Variants in HPSE2 observed in about 807,000 individuals in gnomAD.
HPSE2 encodes the protein heparanase 2 (inactive).
In HPSE2, 38 loss-of-function variants were observed where a neutral mutation model predicts 60.5. That is an observed-to-expected ratio of 0.63 (90% CI 0.48 to 0.82). The LOEUF (loss-of-function observed/expected upper bound fraction) is 0.82. HPSE2 is among the 40% of genes least tolerant of loss of function. The pLI, the probability that HPSE2 is intolerant of heterozygous loss-of-function variation, is 0.00. For synonymous variants in HPSE2, 295 were observed against 293.2 expected (o/e 1.01, Z -0.06); for missense variants, 713 against 740.4 (o/e 0.96, Z 0.43).
intron 3 of HPSE2, among the ~76,000 whole-genome samples, chr10:99,063,212 TAAAA>T (rs1842505525): frequency 6.6e-6 from 1 of 151,836 alleles, no homozygotes; most frequent in African/African-American, 2.4e-5. Flanking sequence ...GAAGAAAAGT[TAAAA>T]AAGATAAACA....
the HPSE2 span, among the ~76,000 whole-genome samples, chr10:99,307,991 C>A: frequency 6.6e-6 from 1 of 152,056 alleles, no homozygotes; most frequent in African/African-American, 2.4e-5. Flanking sequence ...TATGTCCTAG[C>A]AATTCTACTC....
chr10:98,511,574 G>A (rs866186386), intron 9 of HPSE2, among the ~76,000 whole-genome samples: 3,489 of 150,046 alleles, frequency 0.023, 132 homozygotes, highest in African/African-American at 0.08. Flanking sequence ...GTGTGTGTGT[G>A]TGTGTGTGTG....
intron 6 of HPSE2, among the ~76,000 whole-genome samples, chr10:98,676,206 A>G (rs968537357): frequency 6.6e-6 from 1 of 152,170 alleles, no homozygotes; most frequent in South Asian, 2.1e-4. Context: ...CAGTGTTATT[A>G]ACTATGTGCA....
the HPSE2 span, among the ~76,000 whole-genome samples, chr10:99,245,946 T>C: frequency 6.6e-6 from 1 of 152,206 alleles, no homozygotes; most frequent in Admixed American, 6.5e-5. Flanking sequence ...GAACTAAATG[T>C]ACACACATAC....
intron 2 of HPSE2, among the ~76,000 whole-genome samples, chr10:99,212,838 A>G (rs1183279738): frequency 6.6e-6 from 1 of 152,226 alleles, no homozygotes; most frequent in Non-Finnish European, 1.5e-5. Flanking sequence ...AATTAGCTCC[A>G]CTGAGCCATT....
intron 2 of HPSE2, among the ~76,000 whole-genome samples, chr10:99,150,706 T>C (rs900099343): frequency 6.6e-6 from 1 of 152,186 alleles, no homozygotes; most frequent in Admixed American, 6.5e-5. Flanking sequence ...CTTGGCTGAC[T>C]AGCAGGCTAT....
At chr10:98,465,118 T>C (rs1486210412) in intron 11 of HPSE2, among the ~76,000 whole-genome samples, 1 of 152,244 alleles carries the variant, frequency 6.6e-6, no homozygotes, top group Non-Finnish European at 1.5e-5. Context: ...ATATTTTTCT[T>C]TTAATATTTA....
At chr10:99,227,931 C>G (rs1849528572) in intron 2 of HPSE2, among the ~76,000 whole-genome samples, 1 of 147,056 alleles carries the variant, frequency 6.8e-6, no homozygotes, top group Non-Finnish European at 1.5e-5. Flanking sequence ...AATTAAATGG[C>G]AAAACAAGGC....
chr10:98,934,624 C>A lies in HPSE2; in HGVS notation c.611-190568G>T, dbSNP rs557370060. ...TTGGCCCCCAATTTCTTCTGGCTTG[C>A]AGAGTTTCTGCTCAGAGGTCCACTG... On this transcript the variant is annotated intron_variant, in intron 3 of 11. Transcript: ENST00000370552. 1.2e-4 allele frequency among the ~76,000 whole-genome samples: 18 copies of A among 144,076 alleles called. 3 individuals are homozygous for A. The highest frequency in any genetic ancestry group is 4.8e-4 in the African/African-American group (17 of 35,522). The allele number at this position is 144,076 out of a possible 152,430, so 94.5% of individuals were successfully genotyped here.
chr10:98,957,755 T>C (rs1220579131), intron 3 of HPSE2, among the ~76,000 whole-genome samples: 1 of 152,196 alleles, frequency 6.6e-6, no homozygotes, highest in Non-Finnish European at 1.5e-5. Flanking sequence ...CAAGATCATG[T>C]AGGCATGCCA....
intron 3 of HPSE2, among the ~76,000 whole-genome samples, chr10:98,840,663 C>A (rs1951889397): frequency 6.6e-6 from 1 of 151,848 alleles, no homozygotes; most frequent in African/African-American, 2.4e-5. Flanking sequence ...CTTAGTGGCT[C>A]AGAGGAGTAT....
chr10:99,100,016 G>A (rs553202420), intron 3 of HPSE2, among the ~76,000 whole-genome samples: 1 of 152,112 alleles, frequency 6.6e-6, no homozygotes, highest in East Asian at 1.9e-4. Flanking sequence ...AAAGACTAAA[G>A]GCAGATAAAA....
intron 3 of HPSE2, among the ~76,000 whole-genome samples, chr10:99,136,465 G>A (rs905889431): frequency 2.0e-5 from 3 of 152,162 alleles, no homozygotes; most frequent in African/African-American, 7.2e-5. Context: ...CAATATCCCT[G>A]ATGAACATCG....
At chr10:98,561,153 G>GTT (rs752774680) in intron 9 of HPSE2, among the ~76,000 whole-genome samples, 3 of 113,200 alleles carry the variant, frequency 2.7e-5, no homozygotes, top group Admixed American at 1.1e-4. Context: ...AGTGATACTG[G>GTT]TTTTTTTTTT....
chr10:99,285,030 A>C, the HPSE2 span, among the ~76,000 whole-genome samples: 2 of 152,174 alleles, frequency 1.3e-5, no homozygotes, highest in Admixed American at 6.5e-5. Context: ...TAGACAATTC[A>C]ATTATTTTTA....
chr10:98,739,137 C>A (rs1220156165), intron 4 of HPSE2, among the ~76,000 whole-genome samples: 1 of 152,138 alleles, frequency 6.6e-6, no homozygotes, highest in East Asian at 1.9e-4. Context: ...GAATACTATG[C>A]AGCCATAAAA....
chr10:99,050,952 C>CGTGTGT (rs147438459), intron 3 of HPSE2, among the ~76,000 whole-genome samples: 12 of 149,508 alleles, frequency 8.0e-5, no homozygotes, highest in African/African-American at 2.7e-4. Context: ...TTGATTCAAT[C>CGTGTGT]GTGTGTGTGT....
intron 3 of HPSE2, among the ~76,000 whole-genome samples, chr10:98,877,878 T>C (rs945987232): frequency 6.6e-6 from 1 of 151,888 alleles, no homozygotes; most frequent in African/African-American, 2.4e-5. Flanking sequence ...TGCTGTGGGC[T>C]GTGGGGATAC....
intron 7 of HPSE2, among the ~76,000 whole-genome samples, chr10:98,626,114 A>AC (rs1207477338): frequency 1.1e-5 from 1 of 92,268 alleles, no homozygotes; most frequent in Admixed American, 1.3e-4. Flanking sequence ...TCAAAAAAAA[A>AC]AAAGAAAAAG....
Sources: gnomAD v4.1 joint callset for allele counts (sites outside exome capture counted in the v4.1 genomes callset) on GRCh38, gnomAD v4.1.1 for gene constraint, MANE v1.5 for transcripts, NCBI Gene and HGNC (gene_info 2026-07-23, HGNC 2026-07-21) for gene names.